The following TTC13 variants were observed in gnomAD, a reference collection of about 807,000 sequenced individuals.
TTC13 encodes the protein tetratricopeptide repeat domain 13, also known as tetratricopeptide repeat protein 13.
TTC13 carries 62 observed loss-of-function variants against 120.0 expected under a neutral mutation model. That is an observed-to-expected ratio of 0.52 (90% CI 0.42 to 0.64). The LOEUF is 0.64. Ranked by LOEUF, TTC13 falls within the 30% of genes least tolerant of loss-of-function variation. The pLI is 0.00. For synonymous variants in TTC13, 384 were observed against 393.5 expected, an observed-to-expected ratio of 0.98 and a Z score of 0.28; for missense variants, 824 against 1,050.2, an observed-to-expected ratio of 0.78 and a Z score of 2.98.
chr1:230,925,976 C>A (rs1446397951), intron 12 of TTC13, among the ~76,000 whole-genome samples: 5 of 152,142 alleles, frequency 3.3e-5, no homozygotes, highest in Admixed American at 6.5e-5. Flanking sequence ...TTTCAACAAG[C>A]AACCAAACCT....
intron 1 of TTC13, among the ~76,000 whole-genome samples, chr1:230,968,955 GCT>G: frequency 6.6e-6 from 1 of 152,346 alleles, no homozygotes; most frequent in East Asian, 1.9e-4. Context: ...TGGATGATAA[GCT>G]GAGACTGTAA....
At chr1:230,937,986 T>C (rs953869416) in intron 8 of TTC13, among the ~76,000 whole-genome samples, 53 of 152,240 alleles carry the variant, frequency 3.5e-4, no homozygotes, top group African/African-American at 1.3e-3. Context: ...ATTGAGCACC[T>C]ACTTTGTGAC....
In TTC13 at chr1:230,925,660, T is replaced by C; in HGVS notation, c.1458-13A>G. 6.2e-7 allele frequency: 1 copy of C among 1,613,510 alleles called. No individual in the cohort carries two copies. On this transcript the variant is annotated splice_polypyrimidine_tract_variant and intron_variant, in intron 12 of 22. Transcript: ENST00000366661. ...ATGTAACACATCTCTGGAAGAAACA[T>C]CATGTACATGATAAGGACTTTTACA...
chr1:230,924,195 G>GCACA (rs1672838953), intron 14 of TTC13, among the ~76,000 whole-genome samples: 1 of 152,202 alleles, frequency 6.6e-6, no homozygotes, highest in Non-Finnish European at 1.5e-5. Flanking sequence ...TAGTTGCCAG[G>GCACA]CACACCATTA....
chr1:230,908,371 A>G, intron 22 of TTC13: 1 of 458,760 alleles, frequency 2.2e-6, no homozygotes, highest in Non-Finnish European at 4.3e-6. Flanking sequence ...ATTTTTTTGT[A>G]GAGGGGAGCA....
chr1:230,916,294 A>C lies in TTC13; in HGVS notation c.1992T>G (p.Asn664Lys). 1 of 1,613,112 alleles carries C rather than the reference A, an allele frequency of 6.2e-7. No homozygotes were observed. The highest frequency in any genetic ancestry group is 8.5e-7 in the Non-Finnish European group (1 of 1,179,080). ...CGGTGAACCCATCCTTCGTTTTAGTATTAAACTGCTTTCAGGGAAAAAGAA... is the reference window on the plus strand; with the variant it reads ...CGGTGAACCCATCCTTCGTTTTAGTCTTAAACTGCTTTCAGGGAAAAAGAA... The part of the protein sequence containing the change: ...EDLLPIMKQF[N>K]TKTKDGFTVN... The change falls in exon 18 of 23, where the codon AAT becomes AAG. Residue 664 changes from asparagine (N) to lysine (K), a missense_variant. Around this residue, in one of 4 missense-constraint regions of TTC13, gnomAD observed 226 missense variants for 259.1 expected, o/e 0.87. Transcript: ENST00000366661.
At chr1:230,936,856 G>A (rs186238571) in intron 8 of TTC13, among the ~76,000 whole-genome samples, 100 of 152,264 alleles carry the variant, frequency 6.6e-4, no homozygotes, top group South Asian at 2.1e-3. Context: ...TAATTCAGCC[G>A]TTTCACTACC....
chr1:230,948,034 T>C (rs1675175558), intron 4 of TTC13, among the ~76,000 whole-genome samples: 2 of 152,162 alleles, frequency 1.3e-5, no homozygotes, highest in South Asian at 2.1e-4. Context: ...CCTGTTCCCA[T>C]TTCTTCCTAT....
chr1:230,974,035 C>A (rs1678018192), intron 1 of TTC13, among the ~76,000 whole-genome samples: 1 of 151,150 alleles, frequency 6.6e-6, no homozygotes, highest in Admixed American at 6.6e-5. Context: ...CGAGATCACG[C>A]CATTGCACTC....
chr1:230,948,908 C>T (rs1444355852), intron 4 of TTC13, among the ~76,000 whole-genome samples: 1 of 152,132 alleles, frequency 6.6e-6, no homozygotes, highest in African/African-American at 2.4e-5. Flanking sequence ...CCCATTGCCT[C>T]GGTCCCCAAG....
intron 8 of TTC13, among the ~76,000 whole-genome samples, chr1:230,936,788 A>T (rs1175743772): frequency 6.6e-6 from 1 of 152,240 alleles, no homozygotes; most frequent in African/African-American, 2.4e-5. Context: ...TGGTCCATTT[A>T]ATACTTGTCT....
At chr1:230,973,394 C>G (rs61828272) in intron 1 of TTC13, among the ~76,000 whole-genome samples, 15,141 of 152,276 alleles carry the variant, frequency 0.099, 762 homozygotes, top group Middle Eastern at 0.2. Flanking sequence ...ATAGCTACTT[C>G]CTTATTTTTC....
At position 230,978,080 on chromosome 1, in the gene TTC13, C is replaced by G. The variant is rs1326803824; in HGVS notation, c.271+480G>C. 6.6e-6 allele frequency among the ~76,000 whole-genome samples: 1 copy of G among 152,200 alleles called. No individual in the cohort carries two copies. Among genetic ancestry groups the G allele is most frequent in the Non-Finnish European group, 1.5e-5 (1 of 68,030 alleles). The stretch of plus-strand genomic sequence containing the variant: ...GGAACTGTTGTATACGAGACATTAA[C>G]CCGGGAGGTCAGGAAGCCTGATTTC... On this transcript the variant is annotated intron_variant, in intron 1 of 22. Transcript: ENST00000366661. This position sits in a 1 kb window ranked among gnomAD's most constrained non-coding sequence, Gnocchi z 5.6.
At chr1:230,917,388 C>T (rs531144112) in intron 17 of TTC13, among the ~76,000 whole-genome samples, 1 of 152,270 alleles carries the variant, frequency 6.6e-6, no homozygotes, top group East Asian at 1.9e-4. Context: ...TTGGTGAATT[C>T]CAGTCCGCGT....
intron 15 of TTC13, 91 bp from the exon 16 acceptor site, chr1:230,921,595 A>C (rs1162835929): frequency 1.5e-6 from 1 of 684,640 alleles, no homozygotes; most frequent in African/African-American, 1.9e-5. Flanking sequence ...TAAAAAAATA[A>C]GAAACTATGA....
intron 18 of TTC13, among the ~76,000 whole-genome samples, chr1:230,914,289 C>G (rs954687335): frequency 6.6e-6 from 1 of 152,128 alleles, no homozygotes; most frequent in Non-Finnish European, 1.5e-5. Flanking sequence ...CCAACCCCTC[C>G]GTATCCTCCT....
chr1:230,940,471 C>T lies in TTC13; in HGVS notation c.758G>A (p.Arg253Lys). 3 of 1,613,638 alleles carry T rather than the reference C, an allele frequency of 1.9e-6. No homozygotes were observed. Among genetic ancestry groups the T allele is most frequent in the Non-Finnish European group, 2.5e-6 (3 of 1,179,618 alleles). The change falls in exon 7 of 23, where the codon AGA (arginine) becomes AAA (lysine). Residue 253 changes from arginine (R) to lysine (K), a missense_variant. Around this residue, in one of 4 missense-constraint regions of TTC13, gnomAD observed 430 missense variants for 626.8 expected, o/e 0.69. Coordinates refer to ENST00000366661, the MANE Select transcript of TTC13 (RefSeq NM_024525.5). The surrounding 1 kb of genome is among the most constrained non-coding windows in gnomAD (Gnocchi z 4.1). ...TATGAAGTACAGGGTTCCCCGATGTCTGTACAGCCGTGCTGAGGGCTGCAG... is the reference window on the plus strand; with the variant it reads ...TATGAAGTACAGGGTTCCCCGATGTTTGTACAGCCGTGCTGAGGGCTGCAG... ...IQLQPSARLY[R>K]HRGTLYFISE... is the part of the protein sequence containing the mutation.
chr1:230,917,992 G>A (rs1020907028), intron 17 of TTC13, among the ~76,000 whole-genome samples: 21 of 152,186 alleles, frequency 1.4e-4, no homozygotes, highest in African/African-American at 5.1e-4. Context: ...GATTATTACA[G>A]GGATTGGACA....
intron 3 of TTC13, among the ~76,000 whole-genome samples, chr1:230,955,729 A>T (rs1469888502): frequency 6.6e-6 from 1 of 152,086 alleles, no homozygotes; most frequent in Non-Finnish European, 1.5e-5. Flanking sequence ...ATGCAGGAAG[A>T]GTTTAAAATA....
Sources: gnomAD v4.1 joint callset for allele counts (sites outside exome capture counted in the v4.1 genomes callset) on GRCh38, gnomAD v4.1.1 for gene constraint, gnomAD v4.1.1 regional missense constraint, Gnocchi (gnomAD v3.1) non-coding constraint, MANE v1.5 for transcripts, NCBI Gene and HGNC (gene_info 2026-07-23, HGNC 2026-07-21) for gene names.